The following GMDS variants were observed in gnomAD, a reference collection of about 807,000 sequenced individuals.
GMDS encodes the protein GDP-mannose 4,6-dehydratase.
Under a neutral mutation model 49.9 loss-of-function variants are expected in GMDS, and 20 were observed. The observed-to-expected ratio is 0.40, with a 90% CI of 0.28 to 0.58. The LOEUF (loss-of-function observed/expected upper bound fraction) is 0.58. GMDS is among the 20% of genes least tolerant of loss of function. The probability of loss-of-function intolerance (pLI) is 0.42; values close to 1 mark genes in which losing one functional copy is unlikely to be tolerated. For synonymous variants in GMDS, 177 were observed against 178.6 expected, an observed-to-expected ratio of 0.99 and a Z score of 0.07; for missense variants, 362 against 481.4, an observed-to-expected ratio of 0.75 and a Z score of 2.32.
intron 4 of GMDS, among the ~76,000 whole-genome samples, chr6:2,079,311 T>C (rs908534448): frequency 1.3e-5 from 2 of 152,082 alleles, no homozygotes; most frequent in African/African-American, 4.8e-5. Context: ...GTTCCTATTA[T>C]ATTGTTATTG....
intron 7 of GMDS, among the ~76,000 whole-genome samples, chr6:1,925,923 C>T (rs1455820847): frequency 2.6e-5 from 4 of 152,170 alleles, no homozygotes; most frequent in South Asian, 2.1e-4. Context: ...GAGGAACACA[C>T]CAGCAGCTGG....
intron 1 of GMDS, among the ~76,000 whole-genome samples, chr6:2,173,486 C>T (rs755811891): frequency 8.5e-5 from 13 of 152,246 alleles, no homozygotes; most frequent in African/African-American, 2.4e-4. Context: ...GAGAAAGTCA[C>T]GGATTTAGAA....
intron 9 of GMDS, among the ~76,000 whole-genome samples, chr6:1,631,807 G>A (rs1167433759): frequency 1.3e-5 from 2 of 152,132 alleles, no homozygotes; most frequent in African/African-American, 4.8e-5. Context: ...CCAAACACCT[G>A]ACCACATCCA....
At chr6:2,068,179 A>C (rs571979209) in intron 4 of GMDS, among the ~76,000 whole-genome samples, 3 of 152,028 alleles carry the variant, frequency 2.0e-5, no homozygotes, top group South Asian at 2.1e-4. Flanking sequence ...TGATTATCTC[A>C]ATAGATGCAG....
intron 1 of GMDS, among the ~76,000 whole-genome samples, chr6:2,208,977 C>A (rs1330617050): frequency 6.6e-6 from 1 of 152,140 alleles, no homozygotes; most frequent in Non-Finnish European, 1.5e-5. Context: ...AAACTTAATT[C>A]TCAAGCTCAG....
chr6:1,945,958 T>C (rs185126719), intron 6 of GMDS, among the ~76,000 whole-genome samples: 7 of 152,282 alleles, frequency 4.6e-5, no homozygotes, highest in South Asian at 2.1e-4. Context: ...ATGAAACAGT[T>C]TTTTTTAAAG....
intron 4 of GMDS, among the ~76,000 whole-genome samples, chr6:2,031,942 T>C (rs1768987886): frequency 6.6e-6 from 1 of 152,246 alleles, no homozygotes; most frequent in Non-Finnish European, 1.5e-5. Context: ...AAATGCCTTA[T>C]GAAAACATTA....
At chr6:2,108,757 G>A (rs1317028597) in intron 4 of GMDS, among the ~76,000 whole-genome samples, 2 of 152,144 alleles carry the variant, frequency 1.3e-5, no homozygotes, top group Non-Finnish European at 2.9e-5. Context: ...GGTATTCTCA[G>A]CTTAGTAGTG....
At chr6:1,738,779 G>A (rs948332717) in intron 8 of GMDS, among the ~76,000 whole-genome samples, 2 of 152,180 alleles carry the variant, frequency 1.3e-5, no homozygotes, top group Non-Finnish European at 2.9e-5. Flanking sequence ...CTGATTCTAA[G>A]ACTCAAATCA....
intron 9 of GMDS, among the ~76,000 whole-genome samples, chr6:1,664,789 T>C (rs554045026): frequency 6.6e-6 from 1 of 152,316 alleles, no homozygotes; most frequent in East Asian, 1.9e-4. Context: ...GTAAAGAGGC[T>C]TCACATGTGG....
intron 1 of GMDS, among the ~76,000 whole-genome samples, chr6:2,221,463 C>G (rs1780584751): frequency 6.6e-6 from 1 of 152,138 alleles, no homozygotes; most frequent in Non-Finnish European, 1.5e-5. Context: ...TCACTGCAAG[C>G]TCCGCCTCCC....
chr6:1,819,591 T>C (rs886863082), intron 7 of GMDS, among the ~76,000 whole-genome samples: 2 of 151,730 alleles, frequency 1.3e-5, no homozygotes, highest in Admixed American at 1.3e-4. Context: ...TGAAACCCTG[T>C]CTCTACTAAA....
intron 9 of GMDS, among the ~76,000 whole-genome samples, chr6:1,644,176 C>T (rs953549459): frequency 6.6e-6 from 1 of 152,246 alleles, no homozygotes; most frequent in African/African-American, 2.4e-5. Flanking sequence ...TGAGGATCCA[C>T]TCTTCCTCCA....
chr6:2,156,142 C>T (rs1336154241), intron 1 of GMDS, among the ~76,000 whole-genome samples: 5 of 151,922 alleles, frequency 3.3e-5, no homozygotes, highest in Admixed American at 2.0e-4. Flanking sequence ...TCAATTGATA[C>T]CACTTTCTGA....
chr6:2,015,085 A>G (rs1767806030), intron 4 of GMDS, among the ~76,000 whole-genome samples: 1 of 152,190 alleles, frequency 6.6e-6, no homozygotes, highest in African/African-American at 2.4e-5. Flanking sequence ...ATGCAAGGGG[A>G]AATAAAGCCA....
chr6:1,804,150 C>T (rs957694577), intron 7 of GMDS, among the ~76,000 whole-genome samples: 2 of 152,314 alleles, frequency 1.3e-5, no homozygotes, highest in African/African-American at 2.4e-5. Context: ...TAATAAGATG[C>T]GCTGTTTCCT....
At chr6:1,923,061 C>G (rs1761803679) in intron 7 of GMDS, among the ~76,000 whole-genome samples, 1 of 152,212 alleles carries the variant, frequency 6.6e-6, no homozygotes, top group African/African-American at 2.4e-5. Context: ...TCCCTGCTGC[C>G]ATGTAAGACG....
At chr6:2,164,695 C>T (rs1341121915) in intron 1 of GMDS, among the ~76,000 whole-genome samples, 1 of 152,174 alleles carries the variant, frequency 6.6e-6, no homozygotes, top group Non-Finnish European at 1.5e-5. Flanking sequence ...ACTGGGAGTT[C>T]AATTTGCATC....
Position 1,933,313 on chromosome 6 carries a change from C to T in GMDS, c.644-3083G>A, listed in dbSNP as rs535605625. Among the ~76,000 whole-genome samples, 4 of 152,268 alleles carry T rather than the reference C, an allele frequency of 2.6e-5. No individual in the cohort carries two copies. The South Asian group carries it at 8.3e-4, about 32-fold the overall frequency. ...CTATCTGTGGTGCCTCCATCCTTTG[C>T]CTTTTGTGAATAATGCTACCATGAG... On this transcript the variant is annotated intron_variant, in intron 6 of 10. Transcript: ENST00000380815.
Sources: gnomAD v4.1 joint callset for allele counts (sites outside exome capture counted in the v4.1 genomes callset) on GRCh38, gnomAD v4.1.1 for gene constraint, MANE v1.5 for transcripts, NCBI Gene and HGNC (gene_info 2026-07-23, HGNC 2026-07-21) for gene names.